NOP9: variants seen among roughly 807,000 people sequenced by gnomAD.
NOP9 encodes nucleolar protein 9.
In NOP9, 50 loss-of-function variants were observed where a neutral mutation model predicts 63.0. The observed-to-expected ratio is 0.79, with a 90% confidence interval of 0.63 to 1.00. NOP9 has a LOEUF of 1.00. NOP9 is among the 50% of genes least tolerant of loss of function. The pLI is 0.00. For synonymous variants in NOP9, 343 were observed against 332.8 expected (o/e 1.03, Z -0.33); for missense variants, 758 against 803.0 (o/e 0.94, Z 0.68).
the NOP9 span, among the ~76,000 whole-genome samples, chr14:24,273,720 G>C: frequency 3.3e-5 from 5 of 152,344 alleles, no homozygotes; most frequent in South Asian, 2.1e-4. Context: ...CACACACACA[G>C]AATTACAGGT....
chr14:24,282,296 C>T, the NOP9 span, among the ~76,000 whole-genome samples: 2 of 152,226 alleles, frequency 1.3e-5, no homozygotes, highest in South Asian at 4.1e-4. Context: ...AATCCAGACT[C>T]TCGCTGTAAA....
chr14:24,299,257 G>C, upstream of NOP9: 1 of 911,266 alleles, frequency 1.1e-6, no homozygotes, highest in South Asian at 1.8e-5. Context: ...CCTTTGAGGG[G>C]AGAGGAGTCA....
At position 24,303,717 on chromosome 14, in the gene NOP9, T is replaced by C. The variant is rs760919390; in HGVS notation, c.1285-15T>C. 10 of 1,609,104 alleles carry C rather than the reference T, an allele frequency of 6.2e-6. No homozygotes were observed. In the Admixed American group the frequency reaches 1.7e-4, roughly 27 times the overall value. On this transcript the variant is annotated splice_polypyrimidine_tract_variant and intron_variant, in intron 6 of 9. Coordinates refer to ENST00000267425, the MANE Select transcript of NOP9 (RefSeq NM_174913.3). ...AGAAGTTCTCAGGTTCATCATATTC[T>C]GTCTTCTCCTTTAGGCATTCCACTG...
At chr14:24,292,968 T>G in the NOP9 span, 1 of 617,970 alleles carries the variant, frequency 1.6e-6, no homozygotes, top group Non-Finnish European at 2.6e-6. Context: ...CTGGTCAAAA[T>G]AACCACTGAC....
chr14:24,277,958 G>A, the NOP9 span, among the ~76,000 whole-genome samples: 1 of 152,304 alleles, frequency 6.6e-6, no homozygotes, highest in Admixed American at 6.5e-5. Context: ...AAATGAAAGG[G>A]GAAGAGCAGC....
At chr14:24,287,720 C>T in the NOP9 span, among the ~76,000 whole-genome samples, 2 of 152,184 alleles carry the variant, frequency 1.3e-5, no homozygotes, top group African/African-American at 4.8e-5. Flanking sequence ...CACCCCTCGC[C>T]CATCCTTTAT....
In NOP9 at chr14:24,300,106, C is replaced by T. The variant is rs200068328; in HGVS notation, c.152C>T (p.Pro51Leu). The change falls in exon 1 of 10, where the codon CCA becomes CTA. Residue 51 changes from proline to leucine, a missense_variant. By Grantham distance (98) the Pro-to-Leu change is moderately conservative. Coordinates refer to ENST00000267425, the MANE Select transcript of NOP9 (RefSeq NM_174913.3). ...CCGGATGGGCGCTCGGAGCCGGCTCCAGATTCGCACCCGCACCTGAGCCCG... is the reference window on the plus strand; with the variant it reads ...CCGGATGGGCGCTCGGAGCCGGCTCTAGATTCGCACCCGCACCTGAGCCCG... The part of the protein sequence containing the change: ...PPPDGRSEPA[P>L]DSHPHLSPEA... The T allele has an allele frequency of 2.1e-5, 34 of 1,613,564 alleles. No homozygotes were observed. In the Admixed American group the frequency reaches 2.8e-4, roughly 13 times the overall value.
Position 24,302,235 on chromosome 14 carries a change from C to T in NOP9, c.954C>T (p.Pro318=). The T allele has an allele frequency of 6.2e-7, 1 of 1,611,594 alleles. No individual in the cohort carries two copies. Among genetic ancestry groups the T allele is most frequent in the Middle Eastern group, 1.7e-4 (1 of 6,056 alleles). Residue 318 remains proline, a synonymous_variant, in exon 5 of 10, where the codon CCC becomes CCT. Coordinates refer to ENST00000267425, the MANE Select transcript of NOP9 (RefSeq NM_174913.3). ...STRGSSVDGS[P]LLLFLRDQTS... is the part of the protein sequence containing the mutation. ...CTGATGCCCTTCTTGTCCCTAGTCC[C>T]CTACTGCTATTTCTCCGAGATCAGA... is the stretch of plus-strand genomic sequence containing the variant.
intron 3 of NOP9, 117 bp from the exon 4 acceptor site, chr14:24,301,848 C>T (rs999359991): frequency 2.9e-5 from 42 of 1,443,128 alleles, no homozygotes; most frequent in Admixed American, 5.3e-5. Flanking sequence ...ACGTTCAGAG[C>T]ACTTTGTATA....
At chr14:24,292,817 C>T in the NOP9 span, 18 of 1,603,210 alleles carry the variant, frequency 1.1e-5, no homozygotes, top group Admixed American at 1.7e-5. Context: ...AAGGAATGAA[C>T]CGTGTTAGTG....
the NOP9 span, among the ~76,000 whole-genome samples, chr14:24,287,180 C>T: frequency 3.3e-5 from 5 of 152,208 alleles, no homozygotes; most frequent in Non-Finnish European, 5.9e-5. Flanking sequence ...TGTGAGTCAT[C>T]GTGCCCGGTC....
the NOP9 span, chr14:24,293,913 G>GAAAC: frequency 6.6e-6 from 1 of 152,208 alleles, no homozygotes; most frequent in African/African-American, 2.4e-5. Flanking sequence ...ATAAGTCAAT[G>GAAAC]AAACAAAACA....
At chr14:24,303,306 C>G in intron 6 of NOP9, 92 bp downstream of exon 6, 10 of 1,511,084 alleles carry the variant, frequency 6.6e-6, no homozygotes, top group Non-Finnish European at 8.3e-6. Context: ...TACCTCTGGA[C>G]TCAGGAAGTC....
Position 24,306,513 on chromosome 14 carries a change from GT to G in NOP9, c.*1419del, listed in dbSNP as rs760842413. The G allele has an allele frequency of 1.2e-6, 2 of 1,614,118 alleles. No homozygotes were observed. The highest frequency in any genetic ancestry group is 3.3e-5 in the Admixed American group (2 of 60,006). On this transcript the variant is annotated 3_prime_UTR_variant, in exon 10 of 10. Coordinates refer to ENST00000267425, the MANE Select transcript of NOP9 (RefSeq NM_174913.3). ...GGTTAGCACTCCATTCAGCAGTAGGGTCTCCAATGCCTGCCCAATGGCAAGA... is the reference window on the plus strand; with the variant it reads ...GGTTAGCACTCCATTCAGCAGTAGGGCTCCAATGCCTGCCCAATGGCAAGA...
In NOP9 at chr14:24,307,571, AG is replaced by A. The variant is rs2041555658; in HGVS notation, c.*2479del. The stretch of plus-strand genomic sequence containing the variant: ...GCGAGGAGGGGCTTGGTGAGTGTAA[AG>A]GGCATGATGAGGGTAGAGTGGCTAG... On this transcript the variant is annotated 3_prime_UTR_variant, in exon 10 of 10. Coordinates refer to ENST00000267425, the MANE Select transcript of NOP9 (RefSeq NM_174913.3). 1 of 1,575,706 alleles carries A rather than the reference AG, an allele frequency of 6.3e-7. No homozygotes were observed. Among genetic ancestry groups the A allele is most frequent in the Non-Finnish European group, 8.7e-7 (1 of 1,154,654 alleles).
At chr14:24,280,114 G>A in the NOP9 span, among the ~76,000 whole-genome samples, 2 of 152,216 alleles carry the variant, frequency 1.3e-5, no homozygotes, top group Non-Finnish European at 2.9e-5. Context: ...TGGGGGCTGC[G>A]ACAGTGAGCA....
the NOP9 span, among the ~76,000 whole-genome samples, chr14:24,284,891 C>A: frequency 1.3e-5 from 2 of 152,172 alleles, no homozygotes; most frequent in African/African-American, 2.4e-5. Context: ...CCCACTGTCA[C>A]TCACATCGTC....
At chr14:24,301,876 G>C (rs1192949261) in intron 3 of NOP9, 89 bp from the exon 4 acceptor site, 1 of 1,475,462 alleles carries the variant, frequency 6.8e-7, no homozygotes, top group South Asian at 1.2e-5. Flanking sequence ...TGTGTCCATA[G>C]TGCCCTGTAT....
At chr14:24,273,004 T>C in the NOP9 span, among the ~76,000 whole-genome samples, 7 of 152,330 alleles carry the variant, frequency 4.6e-5, no homozygotes, top group Admixed American at 2.0e-4. Context: ...GTGATTTTTT[T>C]CCCTGTGCCT....
Sources: gnomAD v4.1 joint callset for allele counts (sites outside exome capture counted in the v4.1 genomes callset) on GRCh38, gnomAD v4.1.1 for gene constraint, MANE v1.5 for transcripts, NCBI Gene and HGNC (gene_info 2026-07-23, HGNC 2026-07-21) for gene names.